The following NRXN1 variants were observed in gnomAD, a reference collection of about 807,000 sequenced individuals.
The protein encoded by NRXN1 is neurexin-1.
NRXN1 carries 39 observed loss-of-function variants against 150.9 expected under a neutral mutation model. The observed-to-expected ratio is 0.26, with a 90% confidence interval of 0.20 to 0.34. The LOEUF is 0.34. Among genes scored for constraint, NRXN1 ranks in the 10% least tolerant of loss-of-function variants. The probability of loss-of-function intolerance (pLI) is 1.00; values close to 1 mark genes in which losing one functional copy is unlikely to be tolerated. For missense variants in NRXN1, 1,815 were observed against 1,949.9 expected, an observed-to-expected ratio of 0.93 and a Z score of 1.30; for synonymous variants, 924 against 757.0, an observed-to-expected ratio of 1.22 and a Z score of -3.62.
At chr2:49,963,209 G>A (rs1232637216) in intron 21 of NRXN1, among the ~76,000 whole-genome samples, 1 of 152,134 alleles carries the variant, frequency 6.6e-6, no homozygotes, top group East Asian at 1.9e-4. Context: ...TAACGTCACA[G>A]AATTCGGTGA....
At chr2:50,621,052 TAAG>T (rs745489200) in intron 7 of NRXN1, 171 bp downstream of exon 7, 58 of 539,016 alleles carry the variant, frequency 1.1e-4, no homozygotes, top group Non-Finnish European at 1.7e-4. Context: ...AGGTAAAAAA[TAAG>T]AAGGTCAACA....
intron 16 of NRXN1, among the ~76,000 whole-genome samples, chr2:50,465,914 G>C (rs982242375): frequency 5.9e-5 from 9 of 151,724 alleles, no homozygotes; most frequent in Non-Finnish European, 1.2e-4. Flanking sequence ...TTAACATTCT[G>C]ACCAATGAAT....
At chr2:50,083,065 C>G (rs180919028) in intron 19 of NRXN1, among the ~76,000 whole-genome samples, 17 of 152,286 alleles carry the variant, frequency 1.1e-4, no homozygotes, top group East Asian at 7.7e-4. Flanking sequence ...GGACAATTAT[C>G]AAATTGGCCC....
At chr2:50,038,793 ACCCT>A (rs1412132359) in intron 21 of NRXN1, among the ~76,000 whole-genome samples, 488 of 17,826 alleles carry the variant, frequency 0.027, 2 homozygotes, top group Non-Finnish European at 0.042. Flanking sequence ...CTTCCTTCCC[ACCCT>A]CCCTCCCTCC....
chr2:50,081,484 G>A (rs1466950343), intron 19 of NRXN1, among the ~76,000 whole-genome samples: 4 of 152,152 alleles, frequency 2.6e-5, no homozygotes, highest in African/African-American at 7.2e-5. Flanking sequence ...CCCAGGAAGT[G>A]GAGGTTGCAG....
intron 11 of NRXN1, 93 bp downstream of exon 11, chr2:50,531,134 T>G (rs2093090636): frequency 9.9e-7 from 1 of 1,006,556 alleles, no homozygotes; most frequent in Admixed American, 2.2e-5. Flanking sequence ...GTTTTAATTT[T>G]CCATGGCAAA....
intron 19 of NRXN1, among the ~76,000 whole-genome samples, chr2:50,084,353 C>T (rs891297604): frequency 1.4e-4 from 21 of 152,268 alleles, no homozygotes; most frequent in African/African-American, 4.6e-4. Flanking sequence ...AGCCCTGCCC[C>T]GCAGGGAGGC....
At chr2:50,985,189 A>G in intron 2 of NRXN1, among the ~76,000 whole-genome samples, 1 of 152,022 alleles carries the variant, frequency 6.6e-6, no homozygotes, top group East Asian at 1.9e-4. Flanking sequence ...AAAATGCTGT[A>G]GGTTTGGTAG....
chr2:50,623,132 C>T (rs889320559), intron 6 of NRXN1, among the ~76,000 whole-genome samples, 182 bp downstream of exon 6: 1 of 152,072 alleles, frequency 6.6e-6, no homozygotes, highest in Admixed American at 6.6e-5. Context: ...TTTGGGCTCC[C>T]AGAACTTTCT....
intron 19 of NRXN1, among the ~76,000 whole-genome samples, chr2:50,060,088 C>A (rs1694285596): frequency 6.6e-6 from 1 of 152,148 alleles, no homozygotes; most frequent in African/African-American, 2.4e-5. Flanking sequence ...TTCCACCATG[C>A]ACCTGGAAAA....
chr2:50,379,965 T>C (rs2080831579), intron 17 of NRXN1, among the ~76,000 whole-genome samples: 1 of 152,028 alleles, frequency 6.6e-6, no homozygotes, highest in Admixed American at 6.6e-5. Context: ...ACAATCCTGA[T>C]CACAGATTTA....
At chr2:50,081,021 A>C (rs1032679892) in intron 19 of NRXN1, among the ~76,000 whole-genome samples, 1 of 152,238 alleles carries the variant, frequency 6.6e-6, no homozygotes, top group Non-Finnish European at 1.5e-5. Context: ...CATAACATAC[A>C]TAATTTTGTA....
At chr2:50,014,646 C>T (rs994064866) in intron 21 of NRXN1, among the ~76,000 whole-genome samples, 2 of 152,074 alleles carry the variant, frequency 1.3e-5, no homozygotes, top group Admixed American at 1.3e-4. Context: ...TTCATTAATT[C>T]TTTTTTTATT....
At chr2:50,891,476 C>T (rs780537127) in intron 5 of NRXN1, among the ~76,000 whole-genome samples, 1 of 151,962 alleles carries the variant, frequency 6.6e-6, no homozygotes, top group Non-Finnish European at 1.5e-5. Flanking sequence ...TTTTATTATA[C>T]AATCTGATAT....
chr2:50,472,126 G>A (rs901767143), intron 16 of NRXN1, among the ~76,000 whole-genome samples, 172 bp downstream of exon 16: 1 of 151,700 alleles, frequency 6.6e-6, no homozygotes, highest in African/African-American at 2.4e-5. Flanking sequence ...CTTGCAAACA[G>A]TACAGAAAAT....
At chr2:50,057,954 T>C (rs575258438) in intron 19 of NRXN1, among the ~76,000 whole-genome samples, 2 of 152,242 alleles carry the variant, frequency 1.3e-5, no homozygotes, top group East Asian at 1.9e-4. Flanking sequence ...AACATAGTTA[T>C]TATTAGTAGG....
intron 17 of NRXN1, among the ~76,000 whole-genome samples, chr2:50,278,400 C>G (rs1041976064): frequency 2.7e-5 from 4 of 147,286 alleles, no homozygotes; most frequent in Non-Finnish European, 5.9e-5. Flanking sequence ...GCTCCGCCCC[C>G]CTTGGCCTCC....
intron 17 of NRXN1, among the ~76,000 whole-genome samples, chr2:50,414,441 TAC>T (rs1461349065): frequency 6.6e-6 from 1 of 152,082 alleles, no homozygotes; most frequent in African/African-American, 2.4e-5. Context: ...TAAATATATA[TAC>T]CTACTATATA....
chr2:51,028,244 G>T lies in NRXN1; in HGVS notation c.30C>A (p.Gly10=). 1 of 1,465,250 alleles carries T rather than the reference G, an allele frequency of 6.8e-7. No homozygotes were observed. Among genetic ancestry groups the T allele is most frequent in the Non-Finnish European group, 9.0e-7 (1 of 1,115,702 alleles). The allele number at this position is 1,465,250 out of a possible 1,614,324, so 90.8% of individuals were successfully genotyped here. Residue 10 remains glycine (G), a synonymous_variant, in exon 2 of 23, where the codon GGC becomes GGA. Coordinates refer to ENST00000401669, the MANE Select transcript of NRXN1 (RefSeq NM_001330078.2). MGTALLQRG[G]CFLLCLSLLL... is the part of the protein sequence containing the mutation. Reference sequence around the variant, plus strand: ...GCAGCGAGAGGCACAGAAGAAAACAGCCCCCGCGCTGGAGCAGCGCCGTCC... The same window carrying T: ...GCAGCGAGAGGCACAGAAGAAAACATCCCCCGCGCTGGAGCAGCGCCGTCC...
Sources: allele counts gnomAD v4.1 joint callset (sites outside exome capture counted in the v4.1 genomes callset), GRCh38; gene constraint gnomAD v4.1.1; transcripts MANE v1.5; gene names NCBI Gene and HGNC (gene_info 2026-07-23, HGNC 2026-07-21).